The following KCNG2 variants were observed in gnomAD, a reference collection of about 807,000 sequenced individuals.
KCNG2 encodes voltage-gated potassium channel regulatory subunit KCNG2.
Under a neutral mutation model 12.3 loss-of-function variants are expected in KCNG2, and 7 were observed. The ratio of observed to expected loss-of-function variants is 0.57; its 90% CI spans 0.32 to 1.07. The LOEUF is 1.07. Ranked by LOEUF, KCNG2 falls within the 50% of genes least tolerant of loss-of-function variation. The pLI, the probability that KCNG2 is intolerant of heterozygous loss-of-function variation, is 0.04. For missense variants in KCNG2, 703 were observed against 726.0 expected, an observed-to-expected ratio of 0.97 and a Z score of 0.36; for synonymous variants, 414 against 351.4, an observed-to-expected ratio of 1.18 and a Z score of -1.99.
At chr18:79,874,221 C>T (rs909303794) in intron 3 of KCNG2, among the ~76,000 whole-genome samples, 3 of 152,222 alleles carry the variant, frequency 2.0e-5, no homozygotes, top group Non-Finnish European at 2.9e-5. Context: ...GTACAGCCAC[C>T]GCCATCAGCC....
intron 3 of KCNG2, among the ~76,000 whole-genome samples, chr18:79,871,043 C>G (rs773536653): frequency 6.6e-6 from 1 of 152,116 alleles, no homozygotes; most frequent in Non-Finnish European, 1.5e-5. Context: ...AGACCAGCAC[C>G]GAGAGACCAG....
chr18:79,858,514 T>A (rs187353620), intron 2 of KCNG2, among the ~76,000 whole-genome samples: 218 of 152,374 alleles, frequency 1.4e-3, no homozygotes, highest in African/African-American at 5.1e-3. Context: ...ATTCTAGTAA[T>A]GCCACTGTGA....
chr18:79,813,583 C>A (rs568014225), intron 1 of KCNG2, among the ~76,000 whole-genome samples: 1 of 152,176 alleles, frequency 6.6e-6, no homozygotes, highest in Non-Finnish European at 1.5e-5. Context: ...TATCCTAAAC[C>A]TTCCACCTGC....
At chr18:79,798,299 A>T (rs1325701380) in intron 1 of KCNG2, among the ~76,000 whole-genome samples, 1 of 151,074 alleles carries the variant, frequency 6.6e-6, no homozygotes, top group Non-Finnish European at 1.5e-5. Context: ...GTCGGGCCGG[A>T]GGCGCTCGCC....
chr18:79,857,484 T>G (rs967441754), intron 2 of KCNG2, among the ~76,000 whole-genome samples: 3 of 151,946 alleles, frequency 2.0e-5, no homozygotes, highest in Admixed American at 2.0e-4. Flanking sequence ...ATTTGACTTT[T>G]TCCCCCTAAA....
chr18:79,897,862 A>C (rs1431489686), intron 3 of KCNG2, among the ~76,000 whole-genome samples: 1 of 151,768 alleles, frequency 6.6e-6, no homozygotes, highest in East Asian at 1.9e-4. Flanking sequence ...GGGCTTGGGG[A>C]GCAACCTCTT....
chr18:79,876,416 C>T (rs923510654), intron 3 of KCNG2: 3 of 152,392 alleles, frequency 2.0e-5, no homozygotes, highest in African/African-American at 7.2e-5. Flanking sequence ...GAGGAGTCAC[C>T]TGCGGCGTGG....
At chr18:79,837,109 G>A (rs370190443) in intron 1 of KCNG2, among the ~76,000 whole-genome samples, 6 of 152,324 alleles carry the variant, frequency 3.9e-5, no homozygotes, top group Admixed American at 2.6e-4. Flanking sequence ...AACAGACATC[G>A]GGTAAATGCT....
At chr18:79,852,910 A>T (rs1264371204) in intron 1 of KCNG2, among the ~76,000 whole-genome samples, 1 of 152,224 alleles carries the variant, frequency 6.6e-6, no homozygotes, top group Non-Finnish European at 1.5e-5. Flanking sequence ...CTCCTACCTT[A>T]GCAGAGTCTT....
At chr18:79,887,342 C>A (rs1041812406) in intron 3 of KCNG2, among the ~76,000 whole-genome samples, 1 of 152,044 alleles carries the variant, frequency 6.6e-6, no homozygotes, top group Non-Finnish European at 1.5e-5. Context: ...CCAGAGGCCA[C>A]GGGACTGTTT....
intron 2 of KCNG2, among the ~76,000 whole-genome samples, chr18:79,862,031 A>G (rs1161227950): frequency 6.6e-6 from 1 of 152,192 alleles, no homozygotes; most frequent in Non-Finnish European, 1.5e-5. Context: ...TTGGTGAGAC[A>G]TCATTCTCAC....
At chr18:79,811,001 A>G (rs1165613616) in intron 1 of KCNG2, among the ~76,000 whole-genome samples, 1 of 152,236 alleles carries the variant, frequency 6.6e-6, no homozygotes, top group African/African-American at 2.4e-5. Flanking sequence ...AAAAAGAGTA[A>G]AACCCCTAGC....
chr18:79,829,328 G>A (rs562760498), intron 1 of KCNG2, among the ~76,000 whole-genome samples: 48 of 151,892 alleles, frequency 3.2e-4, no homozygotes, highest in African/African-American at 1.2e-3. Flanking sequence ...ACATGTGTCT[G>A]TGTGTGTCTT....
chr18:79,823,449 A>G (rs2087587367), intron 1 of KCNG2, among the ~76,000 whole-genome samples: 3 of 152,342 alleles, frequency 2.0e-5, no homozygotes, highest in Middle Eastern at 6.8e-3. Flanking sequence ...CTGTTTGCTC[A>G]CAGCCAGGCC....
At position 79,822,145 on chromosome 18, in the gene KCNG2, GATTTTTAAAAGCTTTTT is replaced by G. The variant is rs2087575407; in HGVS notation, c.-115+24136_-115+24152del. On this transcript the variant is annotated intron_variant, in intron 1 of 3. Coordinates refer to ENST00000316249, the MANE Select transcript of KCNG2 (RefSeq NM_012283.2). This position sits in a 1 kb window ranked among gnomAD's most constrained non-coding sequence, Gnocchi z 4.4. ...CCTGGGGTTTAAGCAGGAAATGTTA[GATTTTTAAAAGCTTTTT>G]ATTTGAACGATTTTTAGACTTATAG... Among the ~76,000 whole-genome samples the G allele has an allele frequency of 6.6e-6, 1 of 152,164 alleles. No homozygotes were observed.
At chr18:79,887,710 C>G (rs1158280499) in intron 3 of KCNG2, among the ~76,000 whole-genome samples, 1 of 152,216 alleles carries the variant, frequency 6.6e-6, no homozygotes, top group African/African-American at 2.4e-5. Flanking sequence ...CCACGAGCCT[C>G]CTGCACCCGG....
intron 3 of KCNG2, among the ~76,000 whole-genome samples, chr18:79,879,628 A>C (rs1047817762): frequency 6.6e-6 from 1 of 152,230 alleles, no homozygotes; most frequent in East Asian, 1.9e-4. Context: ...GGGAAGATGC[A>C]CCGCTGGGAG....
intron 1 of KCNG2, among the ~76,000 whole-genome samples, chr18:79,855,582 T>C (rs1175009634): frequency 6.6e-6 from 1 of 152,032 alleles, no homozygotes; most frequent in Admixed American, 6.6e-5. Context: ...CTGTGCATGC[T>C]AGGCTCGTAG....
rs933500046 is a variant in KCNG2, at chr18:79,803,870, G to A, written c.-115+5856G>A. ...GCCCCGGGGCCATGCTGAGGCCTCCGTGTTGGTTTCTCCGGGGTTGGTGCC... is the reference window on the plus strand; with the variant it reads ...GCCCCGGGGCCATGCTGAGGCCTCCATGTTGGTTTCTCCGGGGTTGGTGCC... On this transcript the variant is annotated intron_variant, in intron 1 of 3. Coordinates refer to ENST00000316249, the MANE Select transcript of KCNG2 (RefSeq NM_012283.2). The surrounding 1 kb of genome is among the most constrained non-coding windows in gnomAD (Gnocchi z 4.5). 3.3e-5 allele frequency among the ~76,000 whole-genome samples: 5 copies of A among 152,204 alleles called. No individual in the cohort carries two copies. The highest frequency in any genetic ancestry group is 6.5e-5 in the Admixed American group (1 of 15,282).
Sources: gnomAD v4.1 joint callset for allele counts (sites outside exome capture counted in the v4.1 genomes callset) on GRCh38, gnomAD v4.1.1 for gene constraint, Gnocchi (gnomAD v3.1) non-coding constraint, MANE v1.5 for transcripts, NCBI Gene and HGNC (gene_info 2026-07-23, HGNC 2026-07-21) for gene names.